Variants in PTPRN2 observed in about 807,000 individuals in gnomAD.
PTPRN2 encodes the protein protein tyrosine phosphatase receptor type N2.
Under a neutral mutation model 118.8 loss-of-function variants are expected in PTPRN2, and 74 were observed. The observed-to-expected ratio is 0.62, with a 90% confidence interval of 0.52 to 0.76. The LOEUF is 0.76. Among genes scored for constraint, PTPRN2 ranks in the 30% least tolerant of loss-of-function variants. The pLI is 0.00. For synonymous variants in PTPRN2, 641 were observed against 608.0 expected (o/e 1.05, Z -0.80); for missense variants, 1,481 against 1,394.4 (o/e 1.06, Z -0.99).
chr7:158,147,852 G>A (rs1358828311), intron 6 of PTPRN2, among the ~76,000 whole-genome samples: 1 of 117,986 alleles, frequency 8.5e-6, no homozygotes, highest in South Asian at 3.0e-4. Context: ...CACGCCACGT[G>A]TCTTTCCCCT....
intron 11 of PTPRN2, among the ~76,000 whole-genome samples, chr7:158,060,753 C>G (rs1167393895): frequency 6.6e-6 from 1 of 152,226 alleles, no homozygotes; most frequent in Non-Finnish European, 1.5e-5. Context: ...CATTCATTAC[C>G]TTTGCCTATT....
intron 2 of PTPRN2, among the ~76,000 whole-genome samples, chr7:158,359,335 T>C (rs1243708199): frequency 1.3e-5 from 2 of 152,260 alleles, no homozygotes; most frequent in South Asian, 2.1e-4. Flanking sequence ...TGGATGTTTT[T>C]TCAAGAAACT....
intron 11 of PTPRN2, among the ~76,000 whole-genome samples, chr7:157,933,381 A>G (rs1251266555): frequency 5.0e-4 from 52 of 103,320 alleles, no homozygotes; most frequent in East Asian, 1.7e-3. Flanking sequence ...CTTTAGAGGA[A>G]GGGTGAGTCA....
intron 11 of PTPRN2, among the ~76,000 whole-genome samples, chr7:157,973,792 T>C (rs1429565872): frequency 1.3e-5 from 2 of 152,156 alleles, no homozygotes; most frequent in Non-Finnish European, 2.9e-5. Flanking sequence ...AAAGATAAAA[T>C]AAATAGCATG....
chr7:157,691,005 C>G (rs1320304580), intron 12 of PTPRN2, among the ~76,000 whole-genome samples: 3 of 146,980 alleles, frequency 2.0e-5, no homozygotes, highest in Non-Finnish European at 3.0e-5. Flanking sequence ...ATATCCGGCC[C>G]GGCGCGCACC....
In PTPRN2 at chr7:157,986,808, A is replaced by G. The variant is rs560165773; in HGVS notation, c.1724-88071T>C. ...CTGGGCAGAGGAGACATTTTGGAGC[A>G]GGTGGTCGGTGCCCACCCACTGACA... On this transcript the variant is annotated intron_variant, in intron 11 of 22. Coordinates refer to ENST00000389418, the MANE Select transcript of PTPRN2 (RefSeq NM_002847.5). This position sits in a 1 kb window ranked among gnomAD's most constrained non-coding sequence, Gnocchi z 4.5. Among the ~76,000 whole-genome samples, 3 of 152,306 alleles carry G rather than the reference A, an allele frequency of 2.0e-5. No individual in the cohort carries two copies. Among genetic ancestry groups the G allele is most frequent in the East Asian group, 3.9e-4 (2 of 5,156 alleles).
At chr7:158,090,877 C>A (rs559352058) in intron 10 of PTPRN2, among the ~76,000 whole-genome samples, 91 of 152,266 alleles carry the variant, frequency 6.0e-4, no homozygotes, top group Non-Finnish European at 1.0e-3. Flanking sequence ...GTTGTCTTAG[C>A]AATCATATAT....
intron 12 of PTPRN2, among the ~76,000 whole-genome samples, chr7:157,728,836 C>G (rs568986374): frequency 1.3e-5 from 2 of 152,340 alleles, no homozygotes; most frequent in Middle Eastern, 3.4e-3. Flanking sequence ...TCAAATCCCC[C>G]AGAAGAGACT....
At chr7:158,312,482 A>G (rs1381152299) in intron 3 of PTPRN2, among the ~76,000 whole-genome samples, 2 of 147,424 alleles carry the variant, frequency 1.4e-5, no homozygotes, top group South Asian at 2.1e-4. Context: ...CCACACATGT[A>G]CACACACGTG....
intron 1 of PTPRN2, among the ~76,000 whole-genome samples, chr7:158,492,444 C>T (rs1419804114): frequency 6.6e-6 from 1 of 152,206 alleles, no homozygotes; most frequent in Non-Finnish European, 1.5e-5. Context: ...TTAATCGTGG[C>T]TGACAGTTAG....
At chr7:158,001,417 T>A (rs12673443) in intron 11 of PTPRN2, among the ~76,000 whole-genome samples, 101,024 of 151,892 alleles carry the variant, frequency 0.67, 34,053 homozygotes, top group East Asian at 0.88. Context: ...ATAATTTGCC[T>A]AAGTTCAGGC....
At chr7:158,484,265 C>T (rs369330262) in intron 2 of PTPRN2, among the ~76,000 whole-genome samples, 5 of 152,226 alleles carry the variant, frequency 3.3e-5, no homozygotes, top group African/African-American at 1.2e-4. Flanking sequence ...TCTGCCATCA[C>T]TTCCCATGCC....
chr7:158,460,612 T>C (rs1364414604), intron 2 of PTPRN2, among the ~76,000 whole-genome samples: 1 of 152,206 alleles, frequency 6.6e-6, no homozygotes, highest in African/African-American at 2.4e-5. Flanking sequence ...GGGGGCTGTG[T>C]GCCGTCAGCA....
At chr7:158,331,763 T>A (rs1254803215) in intron 2 of PTPRN2, among the ~76,000 whole-genome samples, 1 of 150,610 alleles carries the variant, frequency 6.6e-6, no homozygotes, top group Admixed American at 6.6e-5. Context: ...AAACTCACAC[T>A]CTCACCATAA....
rs767541298 is a variant in PTPRN2 at position 158,246,849 on chromosome 7, C to T, written c.278-41576G>A. Among the ~76,000 whole-genome samples, 21 of 152,078 alleles carry T rather than the reference C, an allele frequency of 1.4e-4. 1 individual carries two copies. The highest frequency in any genetic ancestry group is 4.1e-4 in the African/African-American group (17 of 41,456). ...ATCCACTGATGGTGCACGTGACCCA[C>T]GATGGGAAAAGTCACAAGACAGCTT... On this transcript the variant is annotated intron_variant, in intron 3 of 22. Transcript: ENST00000389418.
At chr7:158,149,442 A>T (rs972751346) in intron 6 of PTPRN2, among the ~76,000 whole-genome samples, 63 of 70,992 alleles carry the variant, frequency 8.9e-4, no homozygotes, top group African/African-American at 3.8e-3. Context: ...CTCAAGAGGT[A>T]AAAAAAAAAA....
At chr7:158,109,974 G>A (rs1245825006) in intron 10 of PTPRN2, among the ~76,000 whole-genome samples, 2 of 151,946 alleles carry the variant, frequency 1.3e-5, no homozygotes, top group Non-Finnish European at 2.9e-5. Context: ...TGTGTGAAGA[G>A]TCACTGAGTG....
intron 12 of PTPRN2, among the ~76,000 whole-genome samples, chr7:157,782,883 G>A (rs1803768499): frequency 6.6e-6 from 1 of 152,232 alleles, no homozygotes; most frequent in African/African-American, 2.4e-5. Flanking sequence ...AGCCTTGAGT[G>A]CACTCGGTGC....
intron 11 of PTPRN2, among the ~76,000 whole-genome samples, chr7:158,032,957 C>T (rs1208481405): frequency 2.0e-5 from 3 of 151,976 alleles, no homozygotes; most frequent in East Asian, 1.9e-4. Context: ...TTATCAGAAA[C>T]CTCAATGAGT....
Sources: allele counts gnomAD v4.1 joint callset (sites outside exome capture counted in the v4.1 genomes callset), GRCh38; gene constraint gnomAD v4.1.1; non-coding constraint Gnocchi (gnomAD v3.1); transcripts MANE v1.5; gene names NCBI Gene and HGNC (gene_info 2026-07-23, HGNC 2026-07-21).